Variants in TKTL1 observed in about 807,000 individuals in gnomAD.
TKTL1 encodes the protein transketolase-like protein 1.
A neutral mutation model predicts 39.3 loss-of-function variants in TKTL1; 1 was observed. The observed-to-expected ratio is 0.03, with a 90% confidence interval of 0.01 to 0.12. The LOEUF is 0.12. Ranked by LOEUF, TKTL1 falls within the 10% of genes least tolerant of loss-of-function variation. The pLI, the probability that TKTL1 is intolerant of heterozygous loss-of-function variation, is 1.00. For synonymous variants in TKTL1, 262 were observed against 193.8 expected (o/e 1.35, Z -2.92); for missense variants, 575 against 509.6 (o/e 1.13, Z -1.24).
At chrX:154,315,536 T>C in intron 7 of TKTL1, among the ~76,000 whole-genome samples, 199 bp downstream of exon 7, 1 of 111,660 alleles carries the variant, frequency 9.0e-6, no homozygotes, top group Non-Finnish European at 1.9e-5. Flanking sequence ...AATAGACTAC[T>C]CGGCACTTGG....
In TKTL1 at chrX:154,315,313, G is replaced by A. The variant is rs2067390597; in HGVS notation, c.1005G>A (p.Glu335=). 1 of 1,209,263 alleles carries A rather than the reference G, an allele frequency of 8.3e-7. No homozygotes were observed. ...FNKEYPERFI[E]CFMAEQNMVS... Reference sequence around the variant, plus strand: ...AGGAGTACCCTGAGCGCTTCATCGAGTGCTTTATGGCTGAACAAAACATGG... The same window carrying A: ...AGGAGTACCCTGAGCGCTTCATCGAATGCTTTATGGCTGAACAAAACATGG... The change falls in exon 7 of 13, where the codon GAG becomes GAA. Residue 335 remains glutamate, a synonymous_variant. Transcript: ENST00000369915.
chrX:154,301,133 AT>A (rs781922597), intron 1 of TKTL1, among the ~76,000 whole-genome samples: 78 of 111,627 alleles, frequency 7.0e-4, no homozygotes, highest in African/African-American at 2.5e-3. Flanking sequence ...ATTTTCACAA[AT>A]TTGTGAATTT....
chrX:154,306,400 G>A (rs2067315232), intron 2 of TKTL1, among the ~76,000 whole-genome samples: 1 of 111,691 alleles, frequency 9.0e-6, no homozygotes, highest in African/African-American at 3.3e-5. Context: ...GGGCATAGCT[G>A]AAGTAAGTGC....
In TKTL1 at chrX:154,295,818, A is replaced by C. The variant is rs782639617; in HGVS notation, c.-42A>C. The stretch of plus-strand genomic sequence containing the variant: ...GCGCCATTCGCTCTTCAGACGCCGG[A>C]GACGTAGGAGTGGGTCTTCAGACTC... On this transcript the variant is annotated 5_prime_UTR_variant, in exon 1 of 13. Transcript: ENST00000369915. 3 of 1,191,784 alleles carry C rather than the reference A, an allele frequency of 2.5e-6. No homozygotes were observed. The highest frequency in any genetic ancestry group is 3.5e-5 in the African/African-American group (2 of 56,483).
chrX:154,312,042 A>T (rs1346494384), intron 5 of TKTL1, among the ~76,000 whole-genome samples: 1 of 111,846 alleles, frequency 8.9e-6, no homozygotes, highest in African/African-American at 3.3e-5. Context: ...CTGCTGCCAC[A>T]GTGATCTTTC....
chrX:154,323,336 A>C lies in TKTL1; in HGVS notation c.1316A>C (p.Lys439Thr). 8.3e-7 allele frequency: 1 copy of C among 1,211,434 alleles called. No individual in the cohort carries two copies. ...EHAVALAANA[K>T]GMCFIRTTRP... ...GCTGTTGCTCTGGCAGCCAATGCCA[A>C]GGTATTTTTAAGGGGACACTAGTTT... Residue 439 changes from lysine to threonine, a missense_variant and splice_region_variant, in exon 9 of 13, where the codon AAG (lysine) becomes ACG (threonine). By Grantham distance (78) the Lys-to-Thr change is moderately conservative. Coordinates refer to ENST00000369915, the MANE Select transcript of TKTL1 (RefSeq NM_012253.4).
intron 1 of TKTL1, 119 bp downstream of exon 1, chrX:154,296,112 C>G (rs987463734): frequency 2.1e-6 from 2 of 966,969 alleles, no homozygotes; most frequent in Non-Finnish European, 2.8e-6. Context: ...TGGGCTGTGT[C>G]GTAATGCCCT....
intron 10 of TKTL1, among the ~76,000 whole-genome samples, chrX:154,325,866 T>C (rs1200948043): frequency 9.0e-6 from 1 of 111,570 alleles, no homozygotes. Context: ...CCACCTGTGG[T>C]CTCAGCTACT....
intron 1 of TKTL1, among the ~76,000 whole-genome samples, chrX:154,301,971 T>C (rs189967052): frequency 1.8e-5 from 2 of 109,661 alleles, no homozygotes; most frequent in Admixed American, 2.0e-4. Flanking sequence ...AACTTAAAAA[T>C]CATTCAGCGT....
intron 7 of TKTL1, 130 bp from the exon 8 acceptor site, chrX:154,320,627 G>A: frequency 1.5e-6 from 1 of 684,812 alleles, no homozygotes; most frequent in Non-Finnish European, 2.3e-6. Flanking sequence ...GAGGGGTGTG[G>A]GAAGGACGCA....
intron 5 of TKTL1, 110 bp downstream of exon 5, chrX:154,311,348 A>G (rs1040672573): frequency 3.4e-5 from 35 of 1,034,687 alleles, no homozygotes; most frequent in Non-Finnish European, 4.4e-5. Flanking sequence ...TTTAGTGAAT[A>G]GCAGTTCTGC....
intron 9 of TKTL1, among the ~76,000 whole-genome samples, chrX:154,323,992 G>A (rs2067473488): frequency 8.9e-6 from 1 of 112,778 alleles, no homozygotes. Flanking sequence ...CCTCGCCCAT[G>A]CGCCACACAG....
rs782048137 is a variant in TKTL1 at position 154,321,684 on chromosome X, G to C, written c.1186+771G>C. 2.7e-3 allele frequency among the ~76,000 whole-genome samples: 295 copies of C among 107,665 alleles called. 1 individual carries two copies. Among genetic ancestry groups the C allele is most frequent in the African/African-American group, 9.7e-3 (287 of 29,538 alleles). The allele number at this position is 107,665 out of a possible 115,157, so 93.5% of individuals were successfully genotyped here. A position where few individuals can be genotyped will look rare whatever the true frequency, so the allele number is the denominator to read the frequency against. On this transcript the variant is annotated intron_variant, in intron 8 of 12. Transcript: ENST00000369915. ...TGACATGGGAAAGATGAGCCAGCTGGCGTGCCTGTGGCAGGCAGATGGGCT... is the reference window on the plus strand; with the variant it reads ...TGACATGGGAAAGATGAGCCAGCTGCCGTGCCTGTGGCAGGCAGATGGGCT...
At chrX:154,318,543 CAAA>C (rs55702707) in intron 7 of TKTL1, among the ~76,000 whole-genome samples, 1 of 86,268 alleles carries the variant, frequency 1.2e-5, no homozygotes, top group Admixed American at 1.3e-4. Context: ...ACTAAAAATA[CAAA>C]AAAAAAAAAA....
chrX:154,322,846 G>A (rs781905721), intron 8 of TKTL1, among the ~76,000 whole-genome samples: 3 of 111,925 alleles, frequency 2.7e-5, no homozygotes, highest in African/African-American at 6.5e-5. Flanking sequence ...GCAGAAAAGG[G>A]AGAACAAAGC....
chrX:154,303,703 T>G (rs1411900763), intron 1 of TKTL1, among the ~76,000 whole-genome samples: 2 of 107,285 alleles, frequency 1.9e-5, no homozygotes, highest in African/African-American at 6.8e-5. Flanking sequence ...TCCCCCATAA[T>G]GAAGCAGGAT....
At chrX:154,302,004 A>T (rs1557166045) in intron 1 of TKTL1, among the ~76,000 whole-genome samples, 1 of 109,425 alleles carries the variant, frequency 9.1e-6, no homozygotes, top group East Asian at 2.8e-4. Flanking sequence ...AACTGTCAGG[A>T]TCATGTTGGT....
intron 2 of TKTL1, among the ~76,000 whole-genome samples, chrX:154,306,064 T>C (rs782522410): frequency 1.8e-5 from 2 of 110,658 alleles, no homozygotes; most frequent in East Asian, 2.8e-4. Flanking sequence ...CCCAGCACTT[T>C]GGGAGACTGA....
intron 7 of TKTL1, among the ~76,000 whole-genome samples, chrX:154,316,833 G>A (rs782358751): frequency 3.4e-4 from 36 of 106,656 alleles, no homozygotes; most frequent in Admixed American, 3.2e-3. Context: ...GCAGTGGCAC[G>A]ATCACAGCTC....
Sources: gnomAD v4.1 joint callset for allele counts (sites outside exome capture counted in the v4.1 genomes callset) on GRCh38, gnomAD v4.1.1 for gene constraint, MANE v1.5 for transcripts, NCBI Gene and HGNC (gene_info 2026-07-23, HGNC 2026-07-21) for gene names.